Variants in JMJD1C observed in about 807,000 individuals in gnomAD.
JMJD1C encodes jumonji domain-containing protein 1C.
A neutral mutation model predicts 245.3 loss-of-function variants in JMJD1C; 31 were observed. The ratio of observed to expected loss-of-function variants is 0.13; its 90% CI spans 0.09 to 0.17. JMJD1C has a LOEUF of 0.17. Ranked by LOEUF, JMJD1C falls within the 10% of genes least tolerant of loss-of-function variation. The pLI is 1.00. For synonymous variants in JMJD1C, 1,057 were observed against 1,017.4 expected, an observed-to-expected ratio of 1.04 and a Z score of -0.74; for missense variants, 2,691 against 3,000.2, an observed-to-expected ratio of 0.90 and a Z score of 2.41.
intron 2 of JMJD1C, among the ~76,000 whole-genome samples, chr10:63,305,629 C>CGTGTGTGTGTGTGTGTGTGTGTGTGTGT (rs36038855): frequency 2.3e-4 from 28 of 121,770 alleles, no homozygotes; most frequent in Admixed American, 8.0e-4. Flanking sequence ...ACCATGCTGG[C>CGTGTGTGTGTGTGTGTGTGTGTGTGTGT]GTGTGTGTGT....
intron 3 of JMJD1C, chr10:63,222,875 G>C: frequency 1.4e-6 from 2 of 1,470,350 alleles, no homozygotes; most frequent in Non-Finnish European, 1.9e-6. Context: ...TATAAAAACT[G>C]CATTTCCTAC....
Position 63,207,697 on chromosome 10 carries a change from A to C in JMJD1C, c.3972T>G (p.Ala1324=). 3 of 1,614,194 alleles carry C rather than the reference A, an allele frequency of 1.9e-6. No homozygotes were observed. Among genetic ancestry groups the C allele is most frequent in the East Asian group, 2.2e-5 (1 of 44,884 alleles). The part of the protein sequence containing the change: ...KTDSMPAMQL[A]SKDRVSERSS... ...ATCTTTCACTAACACGATCTTTAGAAGCTAACTGCATTGCTGGCATACTAT... is the reference window on the plus strand; with the variant it reads ...ATCTTTCACTAACACGATCTTTAGACGCTAACTGCATTGCTGGCATACTAT... Residue 1324 remains alanine (A), a synonymous_variant, in exon 10 of 26, where the codon GCT becomes GCG. Transcript: ENST00000399262.
intron 1 of JMJD1C, among the ~76,000 whole-genome samples, chr10:63,414,794 C>G (rs1949704160): frequency 1.3e-5 from 2 of 151,860 alleles, no homozygotes; most frequent in South Asian, 4.2e-4. Flanking sequence ...GTAGACCCAG[C>G]TACTCGGGTG....
At chr10:63,322,953 T>C (rs1941081003) in intron 2 of JMJD1C, among the ~76,000 whole-genome samples, 1 of 151,266 alleles carries the variant, frequency 6.6e-6, no homozygotes, top group African/African-American at 2.4e-5. Flanking sequence ...TAGTCATAAA[T>C]ACAGAGGCAG....
At position 63,214,828 on chromosome 10, in the gene JMJD1C, C is replaced by T; in HGVS notation, c.1339G>A (p.Glu447Lys). ...IQEDKKHEEA[E>K]KRKSVDTQLQ... ...TGAGTGTCAACAGACTTCCGCTTCT[C>T]TGCTTCTTCATGTTTTTTATCTTCC... The change falls in exon 8 of 26, where the codon GAG becomes AAG. Residue 447 changes from glutamate to lysine, a missense_variant. Transcript: ENST00000399262. 1 of 1,613,794 alleles carries T rather than the reference C, an allele frequency of 6.2e-7. No homozygotes were observed. Among genetic ancestry groups the T allele is most frequent in the Non-Finnish European group, 8.5e-7 (1 of 1,179,968 alleles).
At chr10:63,216,919 A>C (rs1848057997) in intron 5 of JMJD1C, among the ~76,000 whole-genome samples, 1 of 152,166 alleles carries the variant, frequency 6.6e-6, no homozygotes, top group Admixed American at 6.5e-5. Flanking sequence ...TGAGAAAGAA[A>C]ATTTTAGCTC....
At position 63,465,564 on chromosome 10, in the gene JMJD1C, G is replaced by C. The variant is rs892759810; in HGVS notation, c.99C>G (p.Gly33=). Reference sequence around the variant, plus strand: ...TGACCCCCGCTCGCCAGCTTCGCCAGCCGCGTCCGCTCTCCCAGCGCTCCG... The same window carrying C: ...TGACCCCCGCTCGCCAGCTTCGCCACCCGCGTCCGCTCTCCCAGCGCTCCG... ...ARSERWESGR[G]WRSWRAGVIR... is the part of the protein sequence containing the mutation. The change falls in exon 1 of 26, where the codon GGC becomes GGG. Residue 33 remains glycine, a synonymous_variant. Transcript: ENST00000399262. 2 of 1,606,922 alleles carry C rather than the reference G, an allele frequency of 1.2e-6. No homozygotes were observed. The highest frequency in any genetic ancestry group is 1.3e-5 in the African/African-American group (1 of 74,910).
intron 24 of JMJD1C, among the ~76,000 whole-genome samples, chr10:63,169,779 T>G (rs1429770530): frequency 3.1e-4 from 47 of 152,324 alleles, no homozygotes; most frequent in South Asian, 1.2e-3. Flanking sequence ...AGCATTTCTG[T>G]ACAGTCTCAC....
At chr10:63,285,906 C>T (rs1286143569) in intron 2 of JMJD1C, among the ~76,000 whole-genome samples, 6 of 152,198 alleles carry the variant, frequency 3.9e-5, no homozygotes, top group African/African-American at 1.4e-4. Context: ...ACAGCAAGCC[C>T]ATTTGCTTGA....
intron 2 of JMJD1C, among the ~76,000 whole-genome samples, chr10:63,270,569 C>T (rs768630169): frequency 1.3e-5 from 2 of 151,892 alleles, no homozygotes; most frequent in Non-Finnish European, 2.9e-5. Flanking sequence ...TGGGCTCGAG[C>T]GATCCTCCGA....
Position 63,337,607 on chromosome 10 carries a change from A to AG in JMJD1C, c.333+42710dup, listed in dbSNP as rs1485619165. ...AGAAAAGAAAAGAAAAGAAAAGAAA[A>AG]GAAAAGAAAAGAAAAGAAAAAGAAA... On this transcript the variant is annotated intron_variant, in intron 2 of 25. Transcript: ENST00000399262. 1.4e-3 allele frequency among the ~76,000 whole-genome samples: 136 copies of AG among 100,328 alleles called. 9 individuals are homozygous for AG. Among genetic ancestry groups the AG allele is most frequent in the African/African-American group, 8.9e-3 (131 of 14,708 alleles). 65.8% of individuals were successfully genotyped at this position (100,328 alleles called of 152,430 possible).
Position 63,176,432 on chromosome 10 carries a change from A to G in JMJD1C, c.7266T>C (p.Asp2422=). 1.2e-6 allele frequency: 2 copies of G among 1,613,960 alleles called. No individual in the cohort carries two copies. The highest frequency in any genetic ancestry group is 1.7e-6 in the Non-Finnish European group (2 of 1,179,892). The part of the protein sequence containing the change: ...EQGLEVLPEH[D]PIRDQSWYVN... ...CATACCAACTTTGGTCACGTATTGG[A>G]TCATGTTCTGGTAGAACTTCAAGGC... is the stretch of plus-strand genomic sequence containing the variant. Residue 2422 remains aspartate (D), a synonymous_variant, in exon 24 of 26, where the codon GAT becomes GAC. Coordinates refer to ENST00000399262, the MANE Select transcript of JMJD1C (RefSeq NM_032776.3).
intron 1 of JMJD1C, among the ~76,000 whole-genome samples, chr10:63,445,979 G>C (rs1489232144): frequency 6.8e-6 from 1 of 147,090 alleles, no homozygotes; most frequent in Non-Finnish European, 1.5e-5. Flanking sequence ...AGGCTCAGGC[G>C]ATTCTCCCAC....
intron 1 of JMJD1C, among the ~76,000 whole-genome samples, chr10:63,517,937 T>C (rs553265617): frequency 1.3e-5 from 2 of 152,018 alleles, no homozygotes; most frequent in South Asian, 4.2e-4. Flanking sequence ...GGATTACAGG[T>C]GTGCACCATC....
intron 2 of JMJD1C, among the ~76,000 whole-genome samples, chr10:63,345,730 T>C (rs990265432): frequency 7.9e-5 from 12 of 152,146 alleles, no homozygotes; most frequent in African/African-American, 2.9e-4. Context: ...TGTATCTTGA[T>C]TGTGGCAGTG....
intron 2 of JMJD1C, among the ~76,000 whole-genome samples, chr10:63,332,154 T>G (rs569019939): frequency 3.9e-4 from 60 of 152,274 alleles, no homozygotes; most frequent in African/African-American, 1.3e-3. Context: ...TAACATTGAC[T>G]AGATGAAGTC....
chr10:63,451,472 T>C (rs907339951), intron 1 of JMJD1C, among the ~76,000 whole-genome samples: 7 of 152,082 alleles, frequency 4.6e-5, no homozygotes, highest in African/African-American at 1.7e-4. Flanking sequence ...CAACCAATGA[T>C]AGATCAAAAA....
At position 63,243,126 on chromosome 10, in the gene JMJD1C, A is replaced by ATATATAT. The variant is rs1564669004; in HGVS notation, c.447+21524_447+21525insATATATA. Among the ~76,000 whole-genome samples the ATATATAT allele has an allele frequency of 1.1e-3, 47 of 43,028 alleles. 1 individual carries two copies. Among genetic ancestry groups the ATATATAT allele is most frequent in the Non-Finnish European group, 2.6e-3 (37 of 14,254 alleles). The allele number at this position is 43,028 out of a possible 152,430, so 28.2% of individuals were successfully genotyped here. On this transcript the variant is annotated intron_variant, in intron 3 of 25. Coordinates refer to ENST00000399262, the MANE Select transcript of JMJD1C (RefSeq NM_032776.3). ...AATTATATATATATATATATATATA[A>ATATATAT]ATATATATATGGCTAGATAGGTATC...
At chr10:63,385,330 T>C (rs772976689) in intron 1 of JMJD1C, among the ~76,000 whole-genome samples, 1 of 151,724 alleles carries the variant, frequency 6.6e-6, no homozygotes, top group Non-Finnish European at 1.5e-5. Flanking sequence ...CATGAAAATA[T>C]TTTTCCACGT....
Sources: allele counts gnomAD v4.1 joint callset (sites outside exome capture counted in the v4.1 genomes callset), GRCh38; gene constraint gnomAD v4.1.1; transcripts MANE v1.5; gene names NCBI Gene and HGNC (gene_info 2026-07-23, HGNC 2026-07-21).